Variants in GPR158 observed in about 807,000 individuals in gnomAD.
GPR158 encodes the protein G protein-coupled receptor 158.
GPR158 carries 30 observed loss-of-function variants against 78.2 expected under a neutral mutation model. That is an observed-to-expected ratio of 0.38 (90% CI 0.29 to 0.52). GPR158 has a LOEUF of 0.52. Among genes scored for constraint, GPR158 ranks in the 20% least tolerant of loss-of-function variants. GPR158 has a pLI of 0.83. For missense variants in GPR158, 1,463 were observed against 1,523.5 expected (o/e 0.96, Z 0.66); for synonymous variants, 581 against 591.1 (o/e 0.98, Z 0.25).
chr10:25,464,236 G>C (rs1009606705), intron 4 of GPR158, among the ~76,000 whole-genome samples: 2 of 152,140 alleles, frequency 1.3e-5, no homozygotes, highest in African/African-American at 2.4e-5. Flanking sequence ...ACTGTTATGT[G>C]GTGGTGATGG....
intron 1 of GPR158, among the ~76,000 whole-genome samples, chr10:25,178,089 C>T (rs983964517): frequency 6.6e-6 from 1 of 152,194 alleles, no homozygotes; most frequent in Non-Finnish European, 1.5e-5. Context: ...CGCTTTATGT[C>T]AGGCTCTGTG....
intron 6 of GPR158, among the ~76,000 whole-genome samples, chr10:25,570,473 GT>G (rs1306837801): frequency 6.6e-6 from 1 of 152,178 alleles, no homozygotes; most frequent in African/African-American, 2.4e-5. Flanking sequence ...TGTGTTAAAT[GT>G]TTTTGAAGTA....
In GPR158 at chr10:25,189,834, A is replaced by ATGTGTGTGTGTG. The variant is rs56205437; in HGVS notation, c.902+13540_902+13551dup. Among the ~76,000 whole-genome samples the ATGTGTGTGTGTG allele has an allele frequency of 4.0e-3, 478 of 120,520 alleles. 4 individuals are homozygous for ATGTGTGTGTGTG. Among genetic ancestry groups the ATGTGTGTGTGTG allele is most frequent in the African/African-American group, 0.015 (457 of 30,726 alleles). The allele number at this position is 120,520 out of a possible 152,430, so 79.1% of individuals were successfully genotyped here. On this transcript the variant is annotated intron_variant, in intron 1 of 10. Coordinates refer to ENST00000376351, the MANE Select transcript of GPR158 (RefSeq NM_020752.3). ...AAAAAAAGAGAAAAGAAAGGAAAGC[A>ATGTGTGTGTGTG]TGTGTGTGTGTGTGTGTGTGTGTGT...
At chr10:25,229,720 A>G (rs1853423206) in intron 2 of GPR158, among the ~76,000 whole-genome samples, 1 of 152,212 alleles carries the variant, frequency 6.6e-6, no homozygotes, top group African/African-American at 2.4e-5. Context: ...AGATGAATTC[A>G]TTTAGGATTA....
chr10:25,230,384 A>C (rs946109202), intron 2 of GPR158, among the ~76,000 whole-genome samples: 2 of 152,230 alleles, frequency 1.3e-5, no homozygotes, highest in Non-Finnish European at 2.9e-5. Context: ...GGAGAGGCTT[A>C]TATTTCAACT....
chr10:25,418,541 A>G (rs1488301771), intron 4 of GPR158, among the ~76,000 whole-genome samples: 1 of 151,918 alleles, frequency 6.6e-6, no homozygotes, highest in Non-Finnish European at 1.5e-5. Context: ...GAATTTTAAA[A>G]CAGTATTTTA....
chr10:25,374,242 T>C (rs1465298771), intron 2 of GPR158, among the ~76,000 whole-genome samples: 1 of 151,516 alleles, frequency 6.6e-6, no homozygotes, highest in African/African-American at 2.4e-5. Flanking sequence ...ATTTTATATA[T>C]AATATGTAGT....
chr10:25,515,615 C>A (rs1481297396), intron 5 of GPR158, among the ~76,000 whole-genome samples: 11 of 116,146 alleles, frequency 9.5e-5, no homozygotes, highest in Admixed American at 8.9e-4. Context: ...TGAGAATATG[C>A]GGTGTTTGGT....
intron 2 of GPR158, among the ~76,000 whole-genome samples, chr10:25,306,110 CCT>C (rs770464672): frequency 1.8e-4 from 27 of 152,022 alleles, no homozygotes; most frequent in Admixed American, 7.9e-4. Context: ...TTCTTTGTTC[CCT>C]GTTTTTCTCT....
intron 4 of GPR158, among the ~76,000 whole-genome samples, chr10:25,418,080 T>G (rs1834688793): frequency 6.6e-6 from 1 of 152,162 alleles, no homozygotes; most frequent in Non-Finnish European, 1.5e-5. Flanking sequence ...ACCAGTCCTT[T>G]TGGGCAGGAA....
At chr10:25,369,968 G>C (rs1242385890) in intron 2 of GPR158, among the ~76,000 whole-genome samples, 12 of 147,436 alleles carry the variant, frequency 8.1e-5, no homozygotes, top group Admixed American at 3.4e-4. Context: ...GGTGTTTGTA[G>C]TATTCTCTGA....
intron 5 of GPR158, among the ~76,000 whole-genome samples, chr10:25,514,399 T>G (rs973626592): frequency 4.6e-5 from 7 of 152,238 alleles, no homozygotes; most frequent in Admixed American, 3.9e-4. Flanking sequence ...TGTGAGTCCT[T>G]ATATGTTAGG....
At chr10:25,371,342 G>C (rs1833989254) in intron 2 of GPR158, among the ~76,000 whole-genome samples, 1 of 151,516 alleles carries the variant, frequency 6.6e-6, no homozygotes, top group Admixed American at 6.6e-5. Flanking sequence ...CTTCCTTCAG[G>C]AGGTCTTTTA....
chr10:25,349,033 T>C (rs1013659193), intron 2 of GPR158, among the ~76,000 whole-genome samples: 1 of 152,046 alleles, frequency 6.6e-6, no homozygotes, highest in Non-Finnish European at 1.5e-5. Context: ...CCAAACTTAG[T>C]GTCTTAAAAC....
At chr10:25,429,182 G>A (rs1257514733) in intron 4 of GPR158, among the ~76,000 whole-genome samples, 1 of 152,060 alleles carries the variant, frequency 6.6e-6, no homozygotes, top group Admixed American at 6.6e-5. Flanking sequence ...TTGAACTTGA[G>A]ATAGTTTGAA....
At chr10:25,211,973 C>T (rs1021092055) in intron 1 of GPR158, among the ~76,000 whole-genome samples, 2 of 152,160 alleles carry the variant, frequency 1.3e-5, no homozygotes, top group African/African-American at 4.8e-5. Flanking sequence ...GGCAAGTCCT[C>T]TTTTTCTTTT....
intron 2 of GPR158, among the ~76,000 whole-genome samples, chr10:25,345,688 C>A (rs1423199105): frequency 6.6e-6 from 1 of 151,888 alleles, no homozygotes; most frequent in Non-Finnish European, 1.5e-5. Flanking sequence ...TTGTAATCTG[C>A]TGGCTAATAT....
intron 2 of GPR158, among the ~76,000 whole-genome samples, chr10:25,381,651 A>G (rs1321694119): frequency 6.6e-6 from 1 of 152,160 alleles, no homozygotes; most frequent in African/African-American, 2.4e-5. Context: ...TAGGTTTAGT[A>G]GACTTGTTGG....
intron 2 of GPR158, among the ~76,000 whole-genome samples, chr10:25,338,492 TA>T (rs1855252316): frequency 7.7e-6 from 1 of 129,064 alleles, no homozygotes; most frequent in Admixed American, 7.6e-5. Flanking sequence ...ATACGTATAA[TA>T]TACGTATATA....
Sources: gnomAD v4.1 joint callset for allele counts (sites outside exome capture counted in the v4.1 genomes callset) on GRCh38, gnomAD v4.1.1 for gene constraint, MANE v1.5 for transcripts, NCBI Gene and HGNC (gene_info 2026-07-23, HGNC 2026-07-21) for gene names.